LCMT1: variants seen among roughly 807,000 people sequenced by gnomAD.
LCMT1 encodes the protein [Phosphatase 2A protein]-leucine-carboxy methyltransferase 1.
LCMT1 carries 32 observed loss-of-function variants against 47.7 expected under a neutral mutation model. The ratio of observed to expected loss-of-function variants is 0.67; its 90% CI spans 0.51 to 0.90. LCMT1 has a LOEUF of 0.90. Among genes scored for constraint, LCMT1 ranks in the 40% least tolerant of loss-of-function variants. LCMT1 has a pLI of 0.00. For synonymous variants in LCMT1, 152 were observed against 149.7 expected (o/e 1.02, Z -0.11); for missense variants, 375 against 415.2 (o/e 0.90, Z 0.84).
chr16:25,142,751 AT>A (rs1353577835), intron 4 of LCMT1: 1 of 152,212 alleles, frequency 6.6e-6, no homozygotes, highest in Middle Eastern at 3.2e-3. Flanking sequence ...TAGTAAACCA[AT>A]TAGTAATACA....
intron 5 of LCMT1, among the ~76,000 whole-genome samples, chr16:25,155,638 C>T (rs180790110): frequency 4.6e-5 from 7 of 151,866 alleles, no homozygotes; most frequent in Non-Finnish European, 8.8e-5. Context: ...TAGGCCTCTG[C>T]GTGCCTCCTG....
chr16:25,130,339 CA>C (rs58937394), intron 2 of LCMT1, among the ~76,000 whole-genome samples: 2,876 of 128,896 alleles, frequency 0.022, 68 homozygotes, highest in African/African-American at 0.067. Context: ...TACTCCATCT[CA>C]AAAAAAAAAA....
chr16:25,112,720 C>CA lies in LCMT1; in HGVS notation c.113+725dup, dbSNP rs760722747. ...ATGGTGTCAGACATACTGGAACTCA[C>CA]AGCTTTGTTGGAAAAGAGAGACAGG... On this transcript the variant is annotated intron_variant, in intron 1 of 10. Transcript: ENST00000399069. Among the ~76,000 whole-genome samples, 5 of 152,244 alleles carry CA rather than the reference C, an allele frequency of 3.3e-5. No homozygotes were observed. The East Asian group carries it at 9.6e-4, about 29-fold the overall frequency.
rs992235669 is a variant in LCMT1 at position 25,112,124 on chromosome 16, TC to T, written c.113+131del. ...GCCCCCGCCTCGCACGACCCTCGCT[TC>T]CCACCTGTGAAGTGCACGGAGCAGG... On this transcript the variant is annotated intron_variant, in intron 1 of 10. Coordinates refer to ENST00000399069, the MANE Select transcript of LCMT1 (RefSeq NM_016309.3). 17 of 716,672 alleles carry T rather than the reference TC, an allele frequency of 2.4e-5. No homozygotes were observed. The African/African-American group carries it at 2.8e-4, about 12-fold the overall frequency. 44.4% of individuals were successfully genotyped at this position (716,672 alleles called of 1,614,324 possible).
chr16:25,130,280 C>T (rs1257130307), intron 2 of LCMT1, among the ~76,000 whole-genome samples: 1 of 144,762 alleles, frequency 6.9e-6, no homozygotes, highest in South Asian at 2.2e-4. Flanking sequence ...GCAGAGCTTG[C>T]AGTGAGCCGA....
chr16:25,173,828 A>C (rs1209017986), intron 9 of LCMT1, among the ~76,000 whole-genome samples: 1 of 152,044 alleles, frequency 6.6e-6, no homozygotes, highest in Non-Finnish European at 1.5e-5. Flanking sequence ...TAGAGGCGTG[A>C]GCCACTGCTC....
At chr16:25,174,775 G>A (rs1961877314) in intron 9 of LCMT1, 162 bp from the exon 10 acceptor site, 1 of 397,900 alleles carries the variant, frequency 2.5e-6, no homozygotes, top group Non-Finnish European at 4.4e-6. Flanking sequence ...CTTCTTTTCA[G>A]TGAAAAGACA....
At chr16:25,124,717 TGTTCCAGTTGACGCTC>T (rs1960107979) in intron 1 of LCMT1, among the ~76,000 whole-genome samples, 1 of 152,208 alleles carries the variant, frequency 6.6e-6, no homozygotes, top group South Asian at 2.1e-4. Flanking sequence ...AAGGCCCCAT[TGTTCCAGTTGACGCTC>T]GTGGAGACAG....
intron 4 of LCMT1, among the ~76,000 whole-genome samples, chr16:25,151,032 G>T (rs1961064755): frequency 6.6e-6 from 1 of 152,122 alleles, no homozygotes; most frequent in South Asian, 2.1e-4. Flanking sequence ...GATTATGGTT[G>T]TTGGGATATT....
intron 1 of LCMT1, among the ~76,000 whole-genome samples, chr16:25,119,763 A>G (rs1597557811): frequency 2.0e-5 from 3 of 152,066 alleles, no homozygotes; most frequent in South Asian, 4.2e-4. Flanking sequence ...TAAGGTCGAG[A>G]TTGTGATCTG....
intron 1 of LCMT1, among the ~76,000 whole-genome samples, chr16:25,121,974 G>T (rs900951264): frequency 3.3e-5 from 5 of 152,170 alleles, no homozygotes; most frequent in Non-Finnish European, 5.9e-5. Flanking sequence ...CCACTCTTCT[G>T]TTGTTCATCA....
chr16:25,137,706 A>G (rs1036167209), intron 3 of LCMT1, among the ~76,000 whole-genome samples: 2 of 152,038 alleles, frequency 1.3e-5, no homozygotes, highest in African/African-American at 4.8e-5. Flanking sequence ...GGCCTCCCAA[A>G]GTGCTGGGAT....
intron 3 of LCMT1, among the ~76,000 whole-genome samples, chr16:25,133,548 A>G (rs908232563): frequency 6.4e-4 from 97 of 150,850 alleles, no homozygotes; most frequent in African/African-American, 2.2e-3. Context: ...ACAGGTGCAC[A>G]CCACCATGTC....
chr16:25,171,658 C>T (rs1961776854), intron 9 of LCMT1, among the ~76,000 whole-genome samples: 1 of 152,116 alleles, frequency 6.6e-6, no homozygotes. Context: ...AGGAAAACGA[C>T]GTTGTTCAAG....
rs1332670811 is a variant in LCMT1, at chr16:25,178,183, GT to G, written c.*162del. 7.9e-6 allele frequency: 5 copies of G among 631,472 alleles called. No homozygotes were observed. The highest frequency in any genetic ancestry group is 8.3e-6 in the Non-Finnish European group (3 of 363,378). 39.1% of individuals were successfully genotyped at this position (631,472 alleles called of 1,614,324 possible). ...AGTGGTCGCACATGTTCCTCTTCCT[GT>G]TCCTGTTGACATGTCGTTGTTTAAA... is the stretch of plus-strand genomic sequence containing the variant. On this transcript the variant is annotated 3_prime_UTR_variant, in exon 11 of 11. Coordinates refer to ENST00000399069, the MANE Select transcript of LCMT1 (RefSeq NM_016309.3).
chr16:25,156,420 T>C (rs1961258213), intron 5 of LCMT1, among the ~76,000 whole-genome samples: 3 of 152,172 alleles, frequency 2.0e-5, no homozygotes, highest in South Asian at 4.1e-4. Flanking sequence ...AATGGATGAA[T>C]GTGTTTGTGT....
chr16:25,148,404 G>C (rs1400265490), intron 4 of LCMT1, among the ~76,000 whole-genome samples: 1 of 152,204 alleles, frequency 6.6e-6, no homozygotes, highest in Admixed American at 6.5e-5. Flanking sequence ...ACACTGAACA[G>C]ACAGAGAAAA....
intron 4 of LCMT1, chr16:25,142,458 C>T (rs545197658): frequency 1.3e-5 from 2 of 152,254 alleles, no homozygotes; most frequent in African/African-American, 4.8e-5. Flanking sequence ...GTTTCCATAC[C>T]TCTTTTGTGA....
rs577376584 is a variant in LCMT1, at chr16:25,178,136, C to T, written c.*113C>T. Reference sequence around the variant, plus strand: ...TCGTCCGCAGGTCTCATCCCACACTCTTGAGAAGCCTTGGTCACTACAGTG... The same window carrying T: ...TCGTCCGCAGGTCTCATCCCACACTTTTGAGAAGCCTTGGTCACTACAGTG... On this transcript the variant is annotated 3_prime_UTR_variant, in exon 11 of 11. Transcript: ENST00000399069. The T allele has an allele frequency of 5.5e-5, 48 of 879,574 alleles. No individual in the cohort carries two copies. The highest frequency in any genetic ancestry group is 7.1e-5 in the Non-Finnish European group (38 of 538,682). The allele number at this position is 879,574 out of a possible 1,614,324, so 54.5% of individuals were successfully genotyped here. A position where few individuals can be genotyped will look rare whatever the true frequency, so the allele number is the denominator to read the frequency against.
Sources: allele counts gnomAD v4.1 joint callset (sites outside exome capture counted in the v4.1 genomes callset), GRCh38; gene constraint gnomAD v4.1.1; transcripts MANE v1.5; gene names NCBI Gene and HGNC (gene_info 2026-07-23, HGNC 2026-07-21).